The following MAP3K7 variants were observed in gnomAD, a reference collection of about 807,000 sequenced individuals.
MAP3K7 encodes the protein mitogen-activated protein kinase kinase kinase 7, also known as TGF-beta activated kinase 1.
Under a neutral mutation model 84.8 loss-of-function variants are expected in MAP3K7, and 21 were observed. The ratio of observed to expected loss-of-function variants is 0.25; its 90% confidence interval spans 0.18 to 0.36. The LOEUF is 0.36. MAP3K7 is among the 10% of genes least tolerant of loss of function. The pLI, the probability that MAP3K7 is intolerant of heterozygous loss-of-function variation, is 1.00. For synonymous variants in MAP3K7, 241 were observed against 247.7 expected (o/e 0.97, Z 0.25); for missense variants, 503 against 747.7 (o/e 0.67, Z 3.82).
intron 3 of MAP3K7, among the ~76,000 whole-genome samples, chr6:90,565,428 T>C (rs915899989): frequency 2.6e-5 from 4 of 152,116 alleles, no homozygotes; most frequent in Admixed American, 1.3e-4. Flanking sequence ...GAGAATACTA[T>C]AAACACCTCT....
chr6:90,581,498 T>C (rs1182457939), intron 1 of MAP3K7, among the ~76,000 whole-genome samples: 5 of 152,256 alleles, frequency 3.3e-5, no homozygotes, highest in African/African-American at 7.2e-5. Flanking sequence ...TGCCATCTGC[T>C]GACAAGATGG....
At chr6:90,540,510 A>C (rs1042351491) in intron 12 of MAP3K7, among the ~76,000 whole-genome samples, 1 of 151,950 alleles carries the variant, frequency 6.6e-6, no homozygotes, top group Non-Finnish European at 1.5e-5. Flanking sequence ...CACTTTATAA[A>C]AGCAATCAAG....
In MAP3K7 at chr6:90,586,907, G is replaced by T; in HGVS notation, c.-24C>A. On this transcript the variant is annotated 5_prime_UTR_variant, in exon 1 of 17. Coordinates refer to ENST00000369329, the MANE Select transcript of MAP3K7 (RefSeq NM_145331.3). ...ATGATCCCTCGCGGCGCCCGGTGGG[G>T]CCGGGAACGGTGCCACCCGGACAAT... 1 of 1,596,290 alleles carries T rather than the reference G, an allele frequency of 6.3e-7. No individual in the cohort carries two copies. Among genetic ancestry groups the T allele is most frequent in the Non-Finnish European group, 8.5e-7 (1 of 1,174,286 alleles).
chr6:90,569,480 T>TTTCC (rs1447378176), intron 2 of MAP3K7, among the ~76,000 whole-genome samples: 1 of 146,882 alleles, frequency 6.8e-6, no homozygotes, highest in Non-Finnish European at 1.5e-5. Context: ...CTCAAACTTC[T>TTTCC]TTCTTTCTTT....
chr6:90,574,236 G>A (rs1196984303), intron 1 of MAP3K7, among the ~76,000 whole-genome samples: 1 of 152,164 alleles, frequency 6.6e-6, no homozygotes, highest in African/African-American at 2.4e-5. Flanking sequence ...AATTGGGTAT[G>A]AATCAGTGTA....
chr6:90,535,750 G>A (rs1775650011), intron 13 of MAP3K7, among the ~76,000 whole-genome samples: 1 of 152,088 alleles, frequency 6.6e-6, no homozygotes, highest in Admixed American at 6.6e-5. Context: ...GACAAGGAGA[G>A]TTTAGAGGAG....
At chr6:90,549,485 G>A (rs1398689056) in intron 9 of MAP3K7, among the ~76,000 whole-genome samples, 1 of 152,120 alleles carries the variant, frequency 6.6e-6, no homozygotes, top group Admixed American at 6.6e-5. Context: ...GCTTTCATTA[G>A]GCTTGTGGTT....
intron 13 of MAP3K7, among the ~76,000 whole-genome samples, chr6:90,530,797 GA>G (rs956634913): frequency 3.0e-4 from 46 of 152,062 alleles, no homozygotes; most frequent in Non-Finnish European, 5.9e-4. Flanking sequence ...GACAATCAAT[GA>G]AAAAACTCAA....
chr6:90,532,835 T>C (rs1775551558), intron 13 of MAP3K7, among the ~76,000 whole-genome samples: 1 of 152,194 alleles, frequency 6.6e-6, no homozygotes, highest in Non-Finnish European at 1.5e-5. Context: ...TTAACAACTG[T>C]TTAAATAATT....
chr6:90,519,357 C>A lies in MAP3K7; in HGVS notation c.1463-38G>T, dbSNP rs1236435125. ...CATGTATTTTATTGATTTTCTGTCA[C>A]AAATAATTATAAACGAACAGCAAGA... On this transcript the variant is annotated intron_variant, in intron 14 of 16. Coordinates refer to ENST00000369329, the MANE Select transcript of MAP3K7 (RefSeq NM_145331.3). 4 of 1,347,652 alleles carry A rather than the reference C, an allele frequency of 3.0e-6. No homozygotes were observed. The African/African-American group carries it at 6.0e-5, about 20-fold the overall frequency. The allele number at this position is 1,347,652 out of a possible 1,614,324, so 83.5% of individuals were successfully genotyped here.
chr6:90,523,351 T>C (rs1370812480), intron 14 of MAP3K7, among the ~76,000 whole-genome samples: 1 of 152,008 alleles, frequency 6.6e-6, no homozygotes, highest in Non-Finnish European at 1.5e-5. Context: ...TTTACTACTA[T>C]CATCTAGTAG....
intron 12 of MAP3K7, among the ~76,000 whole-genome samples, chr6:90,543,553 A>C (rs749493185): frequency 3.9e-5 from 6 of 152,108 alleles, no homozygotes; most frequent in Non-Finnish European, 8.8e-5. Flanking sequence ...AAAGATATGG[A>C]TTCTATCCTT....
intron 1 of MAP3K7, among the ~76,000 whole-genome samples, chr6:90,583,208 A>G (rs1462504277): frequency 6.6e-6 from 1 of 152,130 alleles, no homozygotes; most frequent in Non-Finnish European, 1.5e-5. Context: ...AGTACCTCAG[A>G]GTATTACGCA....
chr6:90,572,382 G>A (rs1776934523), intron 1 of MAP3K7, among the ~76,000 whole-genome samples: 1 of 151,728 alleles, frequency 6.6e-6, no homozygotes, highest in African/African-American at 2.4e-5. Context: ...TGTTACTTAC[G>A]ATATGAACTC....
At chr6:90,520,294 A>G (rs1356143527) in intron 14 of MAP3K7, among the ~76,000 whole-genome samples, 1 of 152,168 alleles carries the variant, frequency 6.6e-6, no homozygotes, top group East Asian at 1.9e-4. Flanking sequence ...CAGCAGACGC[A>G]CTGTATGCAA....
chr6:90,584,536 T>C (rs909786208), intron 1 of MAP3K7, among the ~76,000 whole-genome samples: 2 of 152,018 alleles, frequency 1.3e-5, no homozygotes, highest in African/African-American at 4.8e-5. Context: ...AAACATTATC[T>C]AAACTGAGAG....
At chr6:90,537,698 C>T (rs1482790931) in intron 12 of MAP3K7, among the ~76,000 whole-genome samples, 1 of 151,842 alleles carries the variant, frequency 6.6e-6, no homozygotes, top group African/African-American at 2.4e-5. Flanking sequence ...CAAACTAAAA[C>T]AACAAAACTG....
intron 3 of MAP3K7, among the ~76,000 whole-genome samples, chr6:90,563,918 A>T (rs1025504759): frequency 6.6e-6 from 1 of 152,222 alleles, no homozygotes; most frequent in Non-Finnish European, 1.5e-5. Flanking sequence ...AATAGTCAAC[A>T]TTCTTAAAGA....
intron 3 of MAP3K7, among the ~76,000 whole-genome samples, chr6:90,565,795 A>G (rs1485119658): frequency 6.6e-6 from 1 of 152,218 alleles, no homozygotes. Flanking sequence ...CCTGATGAAC[A>G]TCGATGCAAA....
Sources: allele counts gnomAD v4.1 joint callset (sites outside exome capture counted in the v4.1 genomes callset), GRCh38; gene constraint gnomAD v4.1.1; transcripts MANE v1.5; gene names NCBI Gene and HGNC (gene_info 2026-07-23, HGNC 2026-07-21).